Variants in SLC2A13 observed in about 807,000 individuals in gnomAD.
SLC2A13 encodes the protein proton myo-inositol cotransporter.
SLC2A13 carries 32 observed loss-of-function variants against 64.4 expected under a neutral mutation model. The ratio of observed to expected loss-of-function variants is 0.50; its 90% CI spans 0.37 to 0.67. The LOEUF (loss-of-function observed/expected upper bound fraction) is 0.67. Among genes scored for constraint, SLC2A13 ranks in the 30% least tolerant of loss-of-function variants. The pLI is 0.00. For synonymous variants in SLC2A13, 338 were observed against 327.1 expected, an observed-to-expected ratio of 1.03 and a Z score of -0.36; for missense variants, 743 against 829.2, an observed-to-expected ratio of 0.90 and a Z score of 1.28.
chr12:40,009,399 T>C (rs776531822), intron 3 of SLC2A13, among the ~76,000 whole-genome samples: 21 of 152,140 alleles, frequency 1.4e-4, no homozygotes, highest in African/African-American at 4.3e-4. Context: ...TGACTATTAA[T>C]AGGAAATAGA....
At chr12:40,034,917 G>A (rs1374574131) in intron 2 of SLC2A13, among the ~76,000 whole-genome samples, 1 of 152,116 alleles carries the variant, frequency 6.6e-6, no homozygotes, top group African/African-American at 2.4e-5. Flanking sequence ...TATGTTAAAT[G>A]CCAAGCACTA....
chr12:39,762,872 G>C (rs1940209085), intron 9 of SLC2A13, among the ~76,000 whole-genome samples: 1 of 151,878 alleles, frequency 6.6e-6, no homozygotes, highest in African/African-American at 2.4e-5. Flanking sequence ...GTTTATTTTT[G>C]AAAGAATTCT....
chr12:39,843,206 C>A (rs1943220941), intron 6 of SLC2A13, among the ~76,000 whole-genome samples: 1 of 151,962 alleles, frequency 6.6e-6, no homozygotes, highest in African/African-American at 2.4e-5. Context: ...AACTGACAGA[C>A]TCGTTTGTGC....
chr12:40,036,648 A>G (rs1453976561), intron 2 of SLC2A13, among the ~76,000 whole-genome samples: 1 of 152,214 alleles, frequency 6.6e-6, no homozygotes, highest in Admixed American at 6.5e-5. Flanking sequence ...TGATTCATTT[A>G]TCTACTGTTA....
At chr12:40,074,597 C>T (rs1160730419) in intron 1 of SLC2A13, among the ~76,000 whole-genome samples, 13 of 152,298 alleles carry the variant, frequency 8.5e-5, no homozygotes, top group Non-Finnish European at 1.6e-4. Flanking sequence ...GAGCCCTTAG[C>T]TTATTATTCA....
chr12:39,806,763 T>G (rs778879059), intron 7 of SLC2A13, among the ~76,000 whole-genome samples: 3 of 152,230 alleles, frequency 2.0e-5, no homozygotes, highest in Non-Finnish European at 2.9e-5. Flanking sequence ...TATGTTTTGT[T>G]ATGGAATAAT....
At chr12:39,988,677 A>AGAAGGGAGGGAGGGAGGAAG (rs1349361104) in intron 3 of SLC2A13, among the ~76,000 whole-genome samples, 1 of 76,540 alleles carries the variant, frequency 1.3e-5, no homozygotes, top group Non-Finnish European at 2.4e-5. Context: ...GAGGGAGGGA[A>AGAAGGGAGGGAGGGAGGAAG]GAAGGGAGGG....
chr12:39,802,625 CTATT>C (rs1941831759), intron 7 of SLC2A13, among the ~76,000 whole-genome samples: 1 of 152,160 alleles, frequency 6.6e-6, no homozygotes, highest in South Asian at 2.1e-4. Context: ...AGACCGTTAT[CTATT>C]TATCTGTCTA....
At chr12:39,872,848 T>C (rs1206443152) in intron 4 of SLC2A13, among the ~76,000 whole-genome samples, 4 of 152,226 alleles carry the variant, frequency 2.6e-5, no homozygotes, top group Non-Finnish European at 4.4e-5. Flanking sequence ...TTCTGAACCA[T>C]GGCTTTGCCC....
intron 6 of SLC2A13, among the ~76,000 whole-genome samples, chr12:39,837,803 A>G (rs917839219): frequency 6.6e-6 from 1 of 152,176 alleles, no homozygotes; most frequent in Non-Finnish European, 1.5e-5. Flanking sequence ...ACCATCTCAC[A>G]CCAGTTAGAA....
chr12:40,038,937 AAG>A (rs1948036151), intron 2 of SLC2A13, among the ~76,000 whole-genome samples: 1 of 151,680 alleles, frequency 6.6e-6, no homozygotes, highest in African/African-American at 2.4e-5. Context: ...TGTTAAAAAA[AAG>A]AGTTAAAAAT....
chr12:39,769,169 C>G (rs1940469782), intron 7 of SLC2A13, among the ~76,000 whole-genome samples: 1 of 152,056 alleles, frequency 6.6e-6, no homozygotes, highest in Non-Finnish European at 1.5e-5. Flanking sequence ...ATTGTCTTCT[C>G]TACTGAATTA....
chr12:39,992,336 C>T (rs570260043), intron 3 of SLC2A13, among the ~76,000 whole-genome samples: 1 of 152,248 alleles, frequency 6.6e-6, no homozygotes, highest in African/African-American at 2.4e-5. Context: ...CACCATTTCT[C>T]CCCTGACAGA....
intron 4 of SLC2A13, among the ~76,000 whole-genome samples, chr12:39,928,375 C>A (rs1945763458): frequency 6.6e-6 from 1 of 152,064 alleles, no homozygotes; most frequent in African/African-American, 2.4e-5. Flanking sequence ...GCCTGCCAAC[C>A]CTCCAATCAG....
intron 3 of SLC2A13, among the ~76,000 whole-genome samples, chr12:40,004,120 T>C (rs1180199554): frequency 6.6e-6 from 1 of 152,228 alleles, no homozygotes; most frequent in Non-Finnish European, 1.5e-5. Context: ...GTTTTATAAG[T>C]AATCCAGAGA....
intron 1 of SLC2A13, among the ~76,000 whole-genome samples, chr12:40,060,846 G>A (rs972376777): frequency 6.6e-6 from 1 of 152,124 alleles, no homozygotes; most frequent in African/African-American, 2.4e-5. Context: ...TGATAAAGAT[G>A]TAGAAAATAA....
chr12:40,045,615 A>C (rs1222675787), intron 2 of SLC2A13, among the ~76,000 whole-genome samples: 1 of 151,764 alleles, frequency 6.6e-6, no homozygotes, highest in Non-Finnish European at 1.5e-5. Context: ...ACATAATTAA[A>C]TGTGTATTCA....
intron 3 of SLC2A13, among the ~76,000 whole-genome samples, chr12:39,968,715 T>C: frequency 7.8e-6 from 1 of 128,910 alleles, no homozygotes. Flanking sequence ...GACACTTTAC[T>C]CTCTAAGCCT....
chr12:39,931,621 G>C (rs1945827172), intron 4 of SLC2A13, among the ~76,000 whole-genome samples: 1 of 152,174 alleles, frequency 6.6e-6, no homozygotes, highest in Non-Finnish European at 1.5e-5. Context: ...TTCAGATATG[G>C]TAAGGCAAAA....
Sources: gnomAD v4.1 joint callset for allele counts (sites outside exome capture counted in the v4.1 genomes callset) on GRCh38, gnomAD v4.1.1 for gene constraint, MANE v1.5 for transcripts, NCBI Gene and HGNC (gene_info 2026-07-23, HGNC 2026-07-21) for gene names.